The following ITFG1 variants were observed in gnomAD, a reference collection of about 807,000 sequenced individuals.
ITFG1 encodes the protein T-cell immunomodulatory protein.
A neutral mutation model predicts 81.8 loss-of-function variants in ITFG1; 34 were observed. The ratio of observed to expected loss-of-function variants is 0.42; its 90% CI spans 0.32 to 0.55. The LOEUF (loss-of-function observed/expected upper bound fraction) is 0.55, where lower values mean the gene tolerates loss of function less well. Among genes scored for constraint, ITFG1 ranks in the 20% least tolerant of loss-of-function variants. The pLI is 0.17. For synonymous variants in ITFG1, 285 were observed against 270.6 expected (o/e 1.05, Z -0.52); for missense variants, 672 against 755.4 (o/e 0.89, Z 1.29).
At chr16:47,180,463 G>A (rs1036965975) in intron 14 of ITFG1, among the ~76,000 whole-genome samples, 2 of 151,370 alleles carry the variant, frequency 1.3e-5, no homozygotes, top group South Asian at 2.1e-4. Flanking sequence ...CTGCCATCTC[G>A]GCTCACTGCA....
At chr16:47,434,458 T>C (rs542498892) in intron 5 of ITFG1, among the ~76,000 whole-genome samples, 9 of 151,496 alleles carry the variant, frequency 5.9e-5, no homozygotes, top group Admixed American at 2.6e-4. Flanking sequence ...AAGCTCAACA[T>C]CACTGATCAT....
chr16:47,280,300 A>G (rs1406484957), intron 10 of ITFG1, among the ~76,000 whole-genome samples: 2 of 152,034 alleles, frequency 1.3e-5, no homozygotes, highest in Non-Finnish European at 2.9e-5. Flanking sequence ...GTATTCCCAT[A>G]TTTCTGAGAG....
At chr16:47,225,006 A>G (rs921309072) in intron 13 of ITFG1, among the ~76,000 whole-genome samples, 4 of 152,206 alleles carry the variant, frequency 2.6e-5, no homozygotes, top group Admixed American at 2.6e-4. Context: ...CAAAAAAGAA[A>G]AGATTCTTCA....
chr16:47,432,095 A>G (rs1969102798), intron 5 of ITFG1, among the ~76,000 whole-genome samples: 1 of 152,214 alleles, frequency 6.6e-6, no homozygotes, highest in Non-Finnish European at 1.5e-5. Context: ...CAATATCTGT[A>G]GCCACAATGC....
chr16:47,353,371 A>C (rs1249250526), intron 8 of ITFG1, among the ~76,000 whole-genome samples: 1 of 152,202 alleles, frequency 6.6e-6, no homozygotes, highest in Non-Finnish European at 1.5e-5. Context: ...AAACCTCTCA[A>C]CAGATTAGGT....
chr16:47,378,417 G>A (rs992539354), intron 6 of ITFG1, among the ~76,000 whole-genome samples: 2 of 152,230 alleles, frequency 1.3e-5, no homozygotes, highest in African/African-American at 2.4e-5. Context: ...GTTAGAGGGA[G>A]TGGTGTAACT....
At chr16:47,179,775 G>A (rs763415182) in intron 14 of ITFG1, among the ~76,000 whole-genome samples, 4 of 152,196 alleles carry the variant, frequency 2.6e-5, no homozygotes, top group Admixed American at 6.6e-5. Context: ...ATTACCCTAA[G>A]TGAATAGTAT....
intron 6 of ITFG1, among the ~76,000 whole-genome samples, chr16:47,396,692 G>A (rs956335915): frequency 7.2e-5 from 11 of 152,152 alleles, no homozygotes; most frequent in African/African-American, 4.8e-5. Flanking sequence ...GGCTGGATGA[G>A]GGATGAGTGG....
chr16:47,214,268 C>T (rs879477553), intron 14 of ITFG1, among the ~76,000 whole-genome samples: 2 of 152,112 alleles, frequency 1.3e-5, no homozygotes, highest in Non-Finnish European at 2.9e-5. Flanking sequence ...ACTAAGGGTA[C>T]ACAGAAGGCA....
chr16:47,178,858 A>G (rs1257595672), intron 14 of ITFG1, among the ~76,000 whole-genome samples: 1 of 152,240 alleles, frequency 6.6e-6, no homozygotes, highest in African/African-American at 2.4e-5. Flanking sequence ...AGAATCTACA[A>G]TGAACTTAAA....
intron 7 of ITFG1, 105 bp downstream of exon 7, chr16:47,375,771 T>C: frequency 1.3e-6 from 1 of 765,210 alleles, no homozygotes; most frequent in Non-Finnish European, 2.3e-6. Flanking sequence ...GTTTTCTATT[T>C]ATTGTTGAAA....
At chr16:47,187,376 A>G (rs1423171088) in intron 14 of ITFG1, among the ~76,000 whole-genome samples, 2 of 151,634 alleles carry the variant, frequency 1.3e-5, no homozygotes, top group African/African-American at 4.8e-5. Context: ...ACAAGGCTAC[A>G]GTAACCAAAA....
At chr16:47,410,987 C>T (rs1320425992) in intron 6 of ITFG1, among the ~76,000 whole-genome samples, 1 of 152,186 alleles carries the variant, frequency 6.6e-6, no homozygotes, top group Non-Finnish European at 1.5e-5. Flanking sequence ...TGCCTGGCAG[C>T]TCCCACCAGA....
intron 12 of ITFG1, among the ~76,000 whole-genome samples, chr16:47,241,951 C>T (rs796635294): frequency 6.5e-5 from 9 of 138,842 alleles, no homozygotes; most frequent in African/African-American, 2.4e-4. Context: ...AAGACTCCGT[C>T]TCAAAAAAAA....
intron 8 of ITFG1, among the ~76,000 whole-genome samples, chr16:47,348,192 C>A (rs573494923): frequency 7.2e-5 from 11 of 152,212 alleles, no homozygotes; most frequent in Admixed American, 4.6e-4. Context: ...TCACCAGCAA[C>A]GGAACAAAGC....
intron 6 of ITFG1, among the ~76,000 whole-genome samples, chr16:47,418,763 G>T (rs898455442): frequency 6.6e-6 from 1 of 152,060 alleles, no homozygotes; most frequent in Admixed American, 6.5e-5. Flanking sequence ...CTAGTTCTAT[G>T]TTGTTTTGGT....
intron 8 of ITFG1, among the ~76,000 whole-genome samples, chr16:47,355,995 T>C (rs1191820455): frequency 6.6e-6 from 1 of 152,160 alleles, no homozygotes; most frequent in South Asian, 2.1e-4. Flanking sequence ...TGACCATTAC[T>C]GAAGATGATA....
intron 1 of ITFG1, among the ~76,000 whole-genome samples, chr16:47,459,384 G>T (rs1969493227): frequency 6.6e-6 from 1 of 152,140 alleles, no homozygotes; most frequent in South Asian, 2.1e-4. Context: ...CAGAGAAATA[G>T]AAAGGATGAA....
At chr16:47,285,631 C>A (rs1435059897) in intron 10 of ITFG1, among the ~76,000 whole-genome samples, 7 of 152,104 alleles carry the variant, frequency 4.6e-5, no homozygotes, top group Non-Finnish European at 8.8e-5. Context: ...AGAGGACACC[C>A]AGCTGGTGTC....
Sources: allele counts gnomAD v4.1 joint callset (sites outside exome capture counted in the v4.1 genomes callset), GRCh38; gene constraint gnomAD v4.1.1; transcripts MANE v1.5; gene names NCBI Gene and HGNC (gene_info 2026-07-23, HGNC 2026-07-21).